FOXO1: variants seen among roughly 807,000 people sequenced by gnomAD.
The protein encoded by FOXO1 is forkhead box O1.
In FOXO1, 6 loss-of-function variants were observed where a neutral mutation model predicts 44.1. The observed-to-expected ratio is 0.14, with a 90% confidence interval of 0.07 to 0.27. The LOEUF (loss-of-function observed/expected upper bound fraction) is 0.27. Among genes scored for constraint, FOXO1 ranks in the 10% least tolerant of loss-of-function variants. The pLI, the probability that FOXO1 is intolerant of heterozygous loss-of-function variation, is 1.00. For synonymous variants in FOXO1, 380 were observed against 362.7 expected, an observed-to-expected ratio of 1.05 and a Z score of -0.54; for missense variants, 737 against 888.8, an observed-to-expected ratio of 0.83 and a Z score of 2.17.
At chr13:40,572,604 T>C (rs1874578168) in intron 1 of FOXO1, among the ~76,000 whole-genome samples, 1 of 152,208 alleles carries the variant, frequency 6.6e-6, no homozygotes, top group Non-Finnish European at 1.5e-5. Flanking sequence ...GCCGAATATA[T>C]ATGTTTGTTT....
intron 1 of FOXO1, among the ~76,000 whole-genome samples, chr13:40,651,458 C>T (rs1242584358): frequency 6.6e-6 from 1 of 152,088 alleles, no homozygotes; most frequent in African/African-American, 2.4e-5. Context: ...AACATCAAAA[C>T]ATGCCTAATT....
At position 40,556,349 on chromosome 13, in the gene FOXO1, A is replaced by G. The variant is rs1873749643; in HGVS notation, c.*2700T>C. The G allele has an allele frequency of 6.5e-6, 1 of 152,672 alleles. No homozygotes were observed. Among genetic ancestry groups the G allele is most frequent in the Admixed American group, 6.5e-5 (1 of 15,286 alleles). 9.5% of individuals were successfully genotyped at this position (152,672 alleles called of 1,614,324 possible). On this transcript the variant is annotated 3_prime_UTR_variant, in exon 3 of 3. Transcript: ENST00000379561. ...GAACTTTCCAAGTAATACATCTATT[A>G]CCTAAATATATTCCATACGTCTATA...
At chr13:40,569,744 C>A (rs1923249) in intron 1 of FOXO1, among the ~76,000 whole-genome samples, 61,023 of 151,984 alleles carry the variant, frequency 0.4, 13,290 homozygotes, top group East Asian at 0.73. Context: ...AAGGGAGATA[C>A]AGCAGTTGTC....
rs1878223785 is a variant in FOXO1 at position 40,665,887 on chromosome 13, T to A, written c.326A>T (p.Asp109Val). The A allele has an allele frequency of 4.3e-6, 5 of 1,152,100 alleles. No individual in the cohort carries two copies. The highest frequency in any genetic ancestry group is 5.3e-6 in the Non-Finnish European group (5 of 940,216). The allele number at this position is 1,152,100 out of a possible 1,614,324, so 71.4% of individuals were successfully genotyped here. A position where few individuals can be genotyped will look rare whatever the true frequency, so the allele number is the denominator to read the frequency against. ...GCAGCCCGCCTCCGGGCCCTGGAAGTCCCCGCACAGCCCCCCGGTGGCGGC... is the reference window on the plus strand; with the variant it reads ...GCAGCCCGCCTCCGGGCCCTGGAAGACCCCGCACAGCCCCCCGGTGGCGGC... ...AAAATGGLCGDFQGPEAGCLH... is the reference protein window; with the variant it reads ...AAAATGGLCGVFQGPEAGCLH... Residue 109 changes from aspartate to valine, a missense_variant, in exon 1 of 3, where the codon GAC (aspartate) becomes GTC (valine). Transcript: ENST00000379561.
intron 1 of FOXO1, among the ~76,000 whole-genome samples, chr13:40,569,983 AC>A (rs2069878598): frequency 1.3e-5 from 2 of 151,988 alleles, no homozygotes; most frequent in African/African-American, 4.8e-5. Context: ...AACACTAGTC[AC>A]CCATGACTAT....
At chr13:40,652,382 G>A (rs1210778636) in intron 1 of FOXO1, among the ~76,000 whole-genome samples, 1 of 151,452 alleles carries the variant, frequency 6.6e-6, no homozygotes, top group East Asian at 1.9e-4. Flanking sequence ...GGCTCCCCAG[G>A]GTCCGCCAAC....
At position 40,556,787 on chromosome 13, in the gene FOXO1, C is replaced by G. The variant is rs902073080; in HGVS notation, c.*2262G>C. On this transcript the variant is annotated 3_prime_UTR_variant, in exon 3 of 3. Transcript: ENST00000379561. The stretch of plus-strand genomic sequence containing the variant: ...AGTAAGATTTTAACAGTGATTTTGG[C>G]TGTAGTTGCCTCTTTAATGAACAAA... 1 of 152,184 alleles carries G rather than the reference C, an allele frequency of 6.6e-6. No individual in the cohort carries two copies. 9.4% of individuals were successfully genotyped at this position (152,184 alleles called of 1,614,324 possible). A position where few individuals can be genotyped will look rare whatever the true frequency, so the allele number is the denominator to read the frequency against.
intron 1 of FOXO1, among the ~76,000 whole-genome samples, chr13:40,590,968 T>TA (rs1304194567): frequency 1.3e-5 from 2 of 152,118 alleles, no homozygotes; most frequent in Non-Finnish European, 2.9e-5. Flanking sequence ...TCTAAGGTAC[T>TA]AAAGTATTGA....
chr13:40,645,730 A>C (rs2137927555), intron 1 of FOXO1, among the ~76,000 whole-genome samples: 1 of 152,336 alleles, frequency 6.6e-6, no homozygotes, highest in African/African-American at 2.4e-5. Context: ...GAAGGGGAGT[A>C]GGAAGTGATC....
At chr13:40,664,658 G>C (rs1593421333) in intron 1 of FOXO1, among the ~76,000 whole-genome samples, 1 of 152,122 alleles carries the variant, frequency 6.6e-6, no homozygotes, top group Admixed American at 6.5e-5. Context: ...CCTCAGGGCA[G>C]CCTCTGTGTT....
intron 1 of FOXO1, among the ~76,000 whole-genome samples, chr13:40,586,178 A>G (rs1272299053): frequency 6.6e-6 from 1 of 152,242 alleles, no homozygotes; most frequent in East Asian, 1.9e-4. Context: ...TCTGTAAATA[A>G]TAACAAAACA....
At chr13:40,607,026 T>C (rs1012221597) in intron 1 of FOXO1, among the ~76,000 whole-genome samples, 3 of 152,194 alleles carry the variant, frequency 2.0e-5, no homozygotes, top group Non-Finnish European at 4.4e-5. Context: ...AAAAATATTG[T>C]GCCACTTCAC....
In FOXO1 at chr13:40,572,276, T is replaced by C. The variant is rs1468369705; in HGVS notation, c.631-11416A>G. Among the ~76,000 whole-genome samples, 39 of 152,242 alleles carry C rather than the reference T, an allele frequency of 2.6e-4. 2 individuals carry two copies. The highest frequency in any genetic ancestry group is 2.3e-3 in the Admixed American group (35 of 15,284). ...GAAAATCTAGGGAAGAATTTATCTA[T>C]TGGATACATAGTCTGTTTACTAAGA... On this transcript the variant is annotated intron_variant, in intron 1 of 2. Transcript: ENST00000379561.
intron 1 of FOXO1, among the ~76,000 whole-genome samples, chr13:40,576,153 T>G (rs1328051462): frequency 6.6e-6 from 1 of 152,218 alleles, no homozygotes; most frequent in Non-Finnish European, 1.5e-5. Flanking sequence ...GGAAACTTTT[T>G]TAAAAACACT....
chr13:40,630,705 C>T (rs970936837), intron 1 of FOXO1, among the ~76,000 whole-genome samples: 4 of 151,896 alleles, frequency 2.6e-5, no homozygotes, highest in Admixed American at 1.3e-4. Flanking sequence ...ACTGGCCTGG[C>T]AAATAGGGAA....
At chr13:40,598,896 G>A (rs1875700049) in intron 1 of FOXO1, among the ~76,000 whole-genome samples, 1 of 152,174 alleles carries the variant, frequency 6.6e-6, no homozygotes, top group Non-Finnish European at 1.5e-5. Context: ...AATTAAGAAA[G>A]TCTTCCTTAG....
intron 1 of FOXO1, among the ~76,000 whole-genome samples, chr13:40,576,659 GGGTTTTCGATTC>G (rs372068092): frequency 7.2e-5 from 11 of 152,288 alleles, no homozygotes; most frequent in African/African-American, 2.6e-4. Context: ...GAAAATGACA[GGGTTTTCGATTC>G]AAGCTTTGGC....
intron 1 of FOXO1, among the ~76,000 whole-genome samples, chr13:40,575,537 G>A (rs1874712347): frequency 6.6e-6 from 1 of 152,134 alleles, no homozygotes; most frequent in Admixed American, 6.5e-5. Context: ...TTTGTCACTG[G>A]AAAATCTGTG....
intron 1 of FOXO1, among the ~76,000 whole-genome samples, chr13:40,595,923 T>C (rs1239739457): frequency 6.6e-6 from 1 of 150,538 alleles, no homozygotes; most frequent in African/African-American, 2.4e-5. Context: ...GTAGGCCCTG[T>C]AGAAATGTCA....
Sources: gnomAD v4.1 joint callset for allele counts (sites outside exome capture counted in the v4.1 genomes callset) on GRCh38, gnomAD v4.1.1 for gene constraint, MANE v1.5 for transcripts, NCBI Gene and HGNC (gene_info 2026-07-23, HGNC 2026-07-21) for gene names.